PDS5B: variants seen among roughly 807,000 people sequenced by gnomAD.
The protein encoded by PDS5B is PDS5 cohesin associated factor B.
In PDS5B, 51 loss-of-function variants were observed where a neutral mutation model predicts 184.1. The observed-to-expected ratio is 0.28, with a 90% confidence interval of 0.22 to 0.35. PDS5B has a LOEUF of 0.35. Ranked by LOEUF, PDS5B falls within the 10% of genes least tolerant of loss-of-function variation. PDS5B has a pLI of 1.00. For synonymous variants in PDS5B, 566 were observed against 569.2 expected (o/e 0.99, Z 0.08); for missense variants, 1,180 against 1,723.3 (o/e 0.68, Z 5.58).
At chr13:32,705,926 T>C (rs933192130) in intron 17 of PDS5B, among the ~76,000 whole-genome samples, 2 of 152,150 alleles carry the variant, frequency 1.3e-5, no homozygotes, top group Admixed American at 1.3e-4. Context: ...TTCAGCCTCC[T>C]AAGTGGCTGT....
At chr13:32,696,557 AAAAC>A (rs1951710096) in intron 14 of PDS5B, among the ~76,000 whole-genome samples, 1 of 151,958 alleles carries the variant, frequency 6.6e-6, no homozygotes, top group South Asian at 2.1e-4. Context: ...CTAAAAAAAA[AAAAC>A]AAAACCCCAA....
At chr13:32,661,448 A>T (rs1365097734) in intron 6 of PDS5B, among the ~76,000 whole-genome samples, 2 of 151,394 alleles carry the variant, frequency 1.3e-5, no homozygotes, top group African/African-American at 4.8e-5. Context: ...CAAAATATAA[A>T]CCTTGATTGA....
chr13:32,592,917 A>T (rs1469810692), intron 1 of PDS5B, among the ~76,000 whole-genome samples: 1 of 152,212 alleles, frequency 6.6e-6, no homozygotes, highest in Non-Finnish European at 1.5e-5. Context: ...TCTTAATCTG[A>T]ACAGTGGGAC....
At chr13:32,671,993 A>G (rs17077728) in intron 7 of PDS5B, among the ~76,000 whole-genome samples, 1,578 of 152,294 alleles carry the variant, frequency 0.01, 38 homozygotes, top group African/African-American at 0.035. Context: ...CAATTTCAGT[A>G]GTAATATGAT....
intron 11 of PDS5B, 50 bp downstream of exon 11, chr13:32,684,073 A>G (rs1163252278): frequency 4.3e-6 from 4 of 938,676 alleles, no homozygotes; most frequent in Non-Finnish European, 6.2e-6. Flanking sequence ...TAATACTTGA[A>G]GTTTAACAAT....
At chr13:32,761,824 T>C (rs1218348297) in intron 30 of PDS5B, among the ~76,000 whole-genome samples, 1 of 152,208 alleles carries the variant, frequency 6.6e-6, no homozygotes, top group Non-Finnish European at 1.5e-5. Flanking sequence ...ATATAACCAG[T>C]AGTGGGATTG....
At chr13:32,658,638 T>C in intron 5 of PDS5B, 107 bp downstream of exon 5, 1 of 581,068 alleles carries the variant, frequency 1.7e-6, no homozygotes. Context: ...GGCTGAGAGA[T>C]GTAACTTTTA....
At chr13:32,767,780 GT>G (rs1266424955) in intron 31 of PDS5B, among the ~76,000 whole-genome samples, 1 of 152,068 alleles carries the variant, frequency 6.6e-6, no homozygotes, top group African/African-American at 2.4e-5. Context: ...AAGGATGAAA[GT>G]TTTTTTCAAC....
chr13:32,679,276 A>T (rs1055220882), intron 10 of PDS5B, among the ~76,000 whole-genome samples: 2 of 152,158 alleles, frequency 1.3e-5, no homozygotes, highest in Non-Finnish European at 2.9e-5. Flanking sequence ...AAATGTCTAA[A>T]ATAAGTTTAG....
chr13:32,715,630 C>T (rs1052815381), intron 19 of PDS5B, among the ~76,000 whole-genome samples: 1 of 151,546 alleles, frequency 6.6e-6, no homozygotes, highest in East Asian at 2.0e-4. Flanking sequence ...TGTAGCTCTC[C>T]CTCTCCCTCT....
chr13:32,716,661 A>C (rs1169253585), intron 19 of PDS5B, among the ~76,000 whole-genome samples: 1 of 80,504 alleles, frequency 1.2e-5, no homozygotes. Flanking sequence ...TTTGGGAGGG[A>C]GGTGGGGGGG....
intron 1 of PDS5B, among the ~76,000 whole-genome samples, chr13:32,598,163 C>T (rs2057910472): frequency 7.0e-6 from 1 of 142,932 alleles, no homozygotes; most frequent in South Asian, 2.2e-4. Context: ...GCAACCTCCA[C>T]CTCCCGGGTT....
intron 18 of PDS5B, among the ~76,000 whole-genome samples, 166 bp downstream of exon 18, chr13:32,707,205 T>G (rs1268621593): frequency 1.3e-5 from 2 of 152,194 alleles, no homozygotes; most frequent in Non-Finnish European, 2.9e-5. Context: ...TTACATGTAA[T>G]CTGATTATTT....
chr13:32,709,582 T>A (rs946363502), intron 18 of PDS5B, among the ~76,000 whole-genome samples: 3 of 152,100 alleles, frequency 2.0e-5, no homozygotes, highest in African/African-American at 4.8e-5. Context: ...GCTAATGATG[T>A]TTATTGAGAA....
At chr13:32,618,532 T>C (rs1318293075) in intron 1 of PDS5B, among the ~76,000 whole-genome samples, 1 of 151,912 alleles carries the variant, frequency 6.6e-6, no homozygotes, top group Non-Finnish European at 1.5e-5. Flanking sequence ...AAAAAATGTG[T>C]ATATAGGGTT....
chr13:32,635,197 T>G (rs2058526087), intron 1 of PDS5B, among the ~76,000 whole-genome samples: 1 of 55,086 alleles, frequency 1.8e-5, no homozygotes, highest in Admixed American at 2.2e-4. Context: ...TTTTTTTTTT[T>G]TTTTTTTTTT....
At chr13:32,637,775 G>A (rs1251610839) in intron 1 of PDS5B, among the ~76,000 whole-genome samples, 3 of 152,088 alleles carry the variant, frequency 2.0e-5, no homozygotes, top group South Asian at 2.1e-4. Flanking sequence ...AGGAGGCTGC[G>A]GTCAACTGTG....
At chr13:32,665,588 CAA>C (rs34604938) in intron 6 of PDS5B, among the ~76,000 whole-genome samples, 2 of 25,880 alleles carry the variant, frequency 7.7e-5, no homozygotes, top group Admixed American at 1.3e-3. Flanking sequence ...GACTCCGACT[CAA>C]AAAAAAAAAA....
At chr13:32,702,016 T>C (rs1468802946) in intron 17 of PDS5B, among the ~76,000 whole-genome samples, 1 of 152,116 alleles carries the variant, frequency 6.6e-6, no homozygotes, top group Admixed American at 6.6e-5. Context: ...GTTTTTTTAT[T>C]TTTAAACTTT....
Sources: allele counts gnomAD v4.1 joint callset (sites outside exome capture counted in the v4.1 genomes callset), GRCh38; gene constraint gnomAD v4.1.1; transcripts MANE v1.5; gene names NCBI Gene and HGNC (gene_info 2026-07-23, HGNC 2026-07-21).